HTR2C: variants seen among roughly 807,000 people sequenced by gnomAD.
HTR2C encodes 5-hydroxytryptamine (serotonin) receptor 2C, G protein-coupled.
In HTR2C, 5 loss-of-function variants were observed where a neutral mutation model predicts 21.0. The ratio of observed to expected loss-of-function variants is 0.24; its 90% confidence interval spans 0.12 to 0.50. The LOEUF (loss-of-function observed/expected upper bound fraction) is 0.50. HTR2C is among the 20% of genes least tolerant of loss of function. The pLI is 0.98. For missense variants in HTR2C, 271 were observed against 371.2 expected, an observed-to-expected ratio of 0.73 and a Z score of 2.22; for synonymous variants, 150 against 145.3, an observed-to-expected ratio of 1.03 and a Z score of -0.23.
intron 2 of HTR2C, among the ~76,000 whole-genome samples, chrX:114,680,549 G>C: frequency 8.9e-6 from 1 of 111,893 alleles, no homozygotes; most frequent in East Asian, 2.8e-4. Flanking sequence ...TTTGGGTGGA[G>C]ATGTGGGCAG....
chrX:114,756,864 A>C (rs1352302374), intron 4 of HTR2C, among the ~76,000 whole-genome samples: 2 of 107,919 alleles, frequency 1.9e-5, no homozygotes, highest in African/African-American at 6.8e-5. Flanking sequence ...TCTCGGCATA[A>C]TTTATTGCAA....
At chrX:114,744,270 T>C (rs1461745476) in intron 4 of HTR2C, among the ~76,000 whole-genome samples, 1 of 109,066 alleles carries the variant, frequency 9.2e-6, no homozygotes, top group East Asian at 2.9e-4. Flanking sequence ...CATTAATTAC[T>C]TATTTTAGAA....
chrX:114,644,394 TATATA>T (rs1930278706), intron 2 of HTR2C, among the ~76,000 whole-genome samples: 8 of 83,353 alleles, frequency 9.6e-5, no homozygotes, highest in African/African-American at 3.6e-4. Context: ...TATATATATA[TATATA>T]TATATATATT....
At chrX:114,676,648 G>C (rs782264193) in intron 2 of HTR2C, among the ~76,000 whole-genome samples, 37 of 112,305 alleles carry the variant, frequency 3.3e-4, no homozygotes, top group Non-Finnish European at 7.5e-5. Context: ...GTACTCATGA[G>C]AGTGTTTAAG....
rs1018471399 is a variant in HTR2C at position 114,682,802 on chromosome X, G to C, written c.-79-44056G>C. Among the ~76,000 whole-genome samples, 3 of 111,232 alleles carry C rather than the reference G, an allele frequency of 2.7e-5. No individual in the cohort carries two copies. The South Asian group carries it at 1.1e-3, about 42-fold the overall frequency. ...TCTATAAAATACTGGTATATAATAG[G>C]CTTCATCTTACATTTCTCTTTAGGC... On this transcript the variant is annotated intron_variant, in intron 2 of 5. Coordinates refer to ENST00000276198, the MANE Select transcript of HTR2C (RefSeq NM_000868.4).
chrX:114,743,226 G>C (rs973822022), intron 4 of HTR2C, among the ~76,000 whole-genome samples: 2 of 101,761 alleles, frequency 2.0e-5, no homozygotes, highest in Non-Finnish European at 4.0e-5. Context: ...ATGATTTATA[G>C]TCCTTTGGGT....
chrX:114,876,202 C>T (rs1418648312), intron 5 of HTR2C, among the ~76,000 whole-genome samples: 3 of 108,806 alleles, frequency 2.8e-5, no homozygotes, highest in Admixed American at 9.9e-5. Context: ...CTTATTTTTT[C>T]AGATAGTTTA....
At chrX:114,661,956 G>A (rs1931003828) in intron 2 of HTR2C, among the ~76,000 whole-genome samples, 1 of 111,668 alleles carries the variant, frequency 9.0e-6, no homozygotes, top group Non-Finnish European at 1.9e-5. Flanking sequence ...CTGCCAACTG[G>A]TTAGCCATTT....
At chrX:114,774,247 A>G (rs905528128) in intron 4 of HTR2C, among the ~76,000 whole-genome samples, 3 of 111,592 alleles carry the variant, frequency 2.7e-5, no homozygotes, top group Non-Finnish European at 3.8e-5. Flanking sequence ...GATGGAATGC[A>G]TCAAATAAAT....
intron 4 of HTR2C, among the ~76,000 whole-genome samples, chrX:114,836,673 G>A (rs187826893): frequency 2.7e-5 from 3 of 112,196 alleles, no homozygotes; most frequent in African/African-American, 6.5e-5. Flanking sequence ...CTTCTGCATC[G>A]CTCAGGCTGG....
rs782074886 is a variant in HTR2C at position 114,590,420 on chromosome X, A to T, written c.-147+5761A>T. Among the ~76,000 whole-genome samples, 8 of 111,814 alleles carry T rather than the reference A, an allele frequency of 7.2e-5. No individual in the cohort carries two copies. In the East Asian group the frequency reaches 2.3e-3, roughly 32 times the overall value. ...AGCTTTCTCTCCCAAATGTATCTAT[A>T]TTCTGTCTGATCTTCAAGGTCCGTT... On this transcript the variant is annotated intron_variant, in intron 1 of 5. Transcript: ENST00000276198.
At chrX:114,877,000 A>G (rs1453927555) in intron 5 of HTR2C, among the ~76,000 whole-genome samples, 4 of 111,150 alleles carry the variant, frequency 3.6e-5, no homozygotes, top group African/African-American at 1.3e-4. Flanking sequence ...GAATTTTGTG[A>G]ACAAGTTTGA....
chrX:114,742,727 AT>A (rs1199987469), intron 4 of HTR2C, among the ~76,000 whole-genome samples: 2,360 of 71,319 alleles, frequency 0.033, 108 homozygotes, highest in African/African-American at 0.11. Context: ...TTTTTTTTTA[AT>A]TTTTTTTTTT....
At chrX:114,866,285 A>G (rs1487579203) in intron 5 of HTR2C, among the ~76,000 whole-genome samples, 2 of 110,330 alleles carry the variant, frequency 1.8e-5, no homozygotes, top group African/African-American at 6.6e-5. Context: ...TGCCAAACCT[A>G]TGGTCACTAA....
intron 2 of HTR2C, among the ~76,000 whole-genome samples, chrX:114,615,432 A>G (rs1256724567): frequency 1.8e-5 from 2 of 112,239 alleles, no homozygotes; most frequent in Admixed American, 1.9e-4. Flanking sequence ...AAGAACCCCC[A>G]CAGCAGTCCT....
intron 1 of HTR2C, among the ~76,000 whole-genome samples, chrX:114,605,834 G>A (rs1928388011): frequency 1.9e-5 from 2 of 107,211 alleles, no homozygotes; most frequent in South Asian, 8.4e-4. Flanking sequence ...GAGGAAAGGG[G>A]TTCAGGGGTT....
At chrX:114,686,942 T>C (rs781821056) in intron 2 of HTR2C, among the ~76,000 whole-genome samples, 1 of 111,757 alleles carries the variant, frequency 8.9e-6, no homozygotes, top group Non-Finnish European at 1.9e-5. Context: ...ATTATTTTAA[T>C]ATTCAATGTA....
At chrX:114,774,913 C>T (rs2070041411) in intron 4 of HTR2C, 2 of 541,466 alleles carry the variant, frequency 3.7e-6, no homozygotes, top group Non-Finnish European at 6.8e-6. Context: ...AGGCATTCCT[C>T]CAGGCATGCC....
intron 1 of HTR2C, among the ~76,000 whole-genome samples, chrX:114,597,119 G>A (rs939178796): frequency 7.8e-4 from 83 of 105,828 alleles, no homozygotes; most frequent in African/African-American, 2.7e-3. Flanking sequence ...TTGGGAGGCT[G>A]AGGCAGGAGA....
Sources: allele counts gnomAD v4.1 joint callset (sites outside exome capture counted in the v4.1 genomes callset), GRCh38; gene constraint gnomAD v4.1.1; transcripts MANE v1.5; gene names NCBI Gene and HGNC (gene_info 2026-07-23, HGNC 2026-07-21).